Variants in RBMS3 observed in about 807,000 individuals in gnomAD.
RBMS3 encodes the protein RNA binding motif single stranded interacting protein 3, also known as RNA-binding motif, single-stranded-interacting protein 3.
Under a neutral mutation model 66.8 loss-of-function variants are expected in RBMS3, and 27 were observed. The observed-to-expected ratio is 0.40, with a 90% CI of 0.30 to 0.56. The LOEUF is 0.56. Ranked by LOEUF, RBMS3 falls within the 20% of genes least tolerant of loss-of-function variation. The pLI is 0.40. For missense variants in RBMS3, 513 were observed against 549.5 expected (o/e 0.93, Z 0.66); for synonymous variants, 188 against 183.0 (o/e 1.03, Z -0.22).
chr3:29,290,445 A>G (rs1043452431), intron 1 of RBMS3, among the ~76,000 whole-genome samples: 1 of 151,702 alleles, frequency 6.6e-6, no homozygotes, highest in Non-Finnish European at 1.5e-5. Context: ...ACAACATTTC[A>G]TTTTCTTTGA....
chr3:29,909,906 C>T (rs1368381409), intron 10 of RBMS3, among the ~76,000 whole-genome samples: 1 of 152,062 alleles, frequency 6.6e-6, no homozygotes, highest in African/African-American at 2.4e-5. Context: ...ACAGCAGGCA[C>T]AGCATTCTGG....
At chr3:29,612,513 A>G (rs2048526064) in intron 4 of RBMS3, among the ~76,000 whole-genome samples, 1 of 152,058 alleles carries the variant, frequency 6.6e-6, no homozygotes, top group Non-Finnish European at 1.5e-5. Context: ...GTGTAGGATA[A>G]ATGCATAGAG....
At chr3:29,600,048 A>C (rs2048091262) in intron 4 of RBMS3, among the ~76,000 whole-genome samples, 1 of 152,174 alleles carries the variant, frequency 6.6e-6, no homozygotes, top group Non-Finnish European at 1.5e-5. Flanking sequence ...TTACTATCAA[A>C]TGTACACTAG....
At chr3:29,309,248 G>T (rs2034222311) in intron 1 of RBMS3, among the ~76,000 whole-genome samples, 1 of 151,784 alleles carries the variant, frequency 6.6e-6, no homozygotes, top group African/African-American at 2.4e-5. Context: ...GAAAGAACAG[G>T]TTTTTGGAGA....
chr3:29,749,303 G>T (rs898996885), intron 5 of RBMS3, among the ~76,000 whole-genome samples: 5 of 152,136 alleles, frequency 3.3e-5, no homozygotes, highest in African/African-American at 1.2e-4. Context: ...TAGCAGGTGT[G>T]CTATAGTTTT....
chr3:29,314,343 T>C (rs2034551796), intron 1 of RBMS3, among the ~76,000 whole-genome samples: 1 of 151,684 alleles, frequency 6.6e-6, no homozygotes, highest in African/African-American at 2.4e-5. Context: ...ATATTTTAGA[T>C]TCCATGAACA....
intron 1 of RBMS3, among the ~76,000 whole-genome samples, chr3:29,285,253 T>C (rs9841634): frequency 1.5e-5 from 1 of 67,560 alleles, no homozygotes; most frequent in Non-Finnish European, 2.6e-5. Context: ...GTGGGGGTGG[T>C]GGTGGGGAGT....
intron 1 of RBMS3, among the ~76,000 whole-genome samples, chr3:29,396,730 C>G (rs919852061): frequency 1.3e-5 from 2 of 152,098 alleles, no homozygotes; most frequent in African/African-American, 2.4e-5. Context: ...CTTGCATTTT[C>G]TTTGTACTAT....
intron 3 of RBMS3, among the ~76,000 whole-genome samples, chr3:29,491,062 G>A (rs1019805792): frequency 5.3e-5 from 8 of 152,096 alleles, no homozygotes; most frequent in East Asian, 3.9e-4. Flanking sequence ...TGAAGACCAC[G>A]AAAATGTAAA....
intron 1 of RBMS3, among the ~76,000 whole-genome samples, chr3:29,420,565 T>TTTTTGTTTTG (rs113655823): frequency 1.3e-4 from 19 of 150,986 alleles, no homozygotes; most frequent in South Asian, 8.3e-4. Context: ...GGTTTGTTTT[T>TTTTTGTTTTG]TTTTGTTTTG....
At chr3:29,813,484 A>T (rs2057783944) in intron 6 of RBMS3, among the ~76,000 whole-genome samples, 1 of 152,212 alleles carries the variant, frequency 6.6e-6, no homozygotes, top group East Asian at 1.9e-4. Flanking sequence ...GTTCCATATG[A>T]ACTTTAAAGT....
At chr3:29,726,160 C>G (rs1365188669) in intron 4 of RBMS3, among the ~76,000 whole-genome samples, 3 of 152,220 alleles carry the variant, frequency 2.0e-5, no homozygotes, top group South Asian at 2.1e-4. Context: ...ATTCAACACC[C>G]CTTCATGCTA....
At chr3:29,903,626 T>C (rs564145338) in intron 10 of RBMS3, among the ~76,000 whole-genome samples, 147 of 152,126 alleles carry the variant, frequency 9.7e-4, no homozygotes, top group African/African-American at 3.3e-3. Flanking sequence ...GAAAAGATGA[T>C]AATTTTCAAG....
intron 12 of RBMS3, 121 bp downstream of exon 12, chr3:29,944,375 T>A (rs1349042203): frequency 2.5e-6 from 2 of 788,996 alleles, no homozygotes; most frequent in Non-Finnish European, 4.3e-6. Flanking sequence ...AAATTTGAAT[T>A]CCAGTTTGCA....
chr3:29,858,458 A>C (rs2059134600), intron 6 of RBMS3, among the ~76,000 whole-genome samples: 1 of 152,214 alleles, frequency 6.6e-6, no homozygotes. Flanking sequence ...CTAATTTCAA[A>C]GGTGCTTCAT....
chr3:29,886,373 G>A (rs1259613989), intron 8 of RBMS3, among the ~76,000 whole-genome samples: 1 of 151,892 alleles, frequency 6.6e-6, no homozygotes, highest in Non-Finnish European at 1.5e-5. Flanking sequence ...CCGAGGTAGA[G>A]CTGGGAATCG....
intron 4 of RBMS3, among the ~76,000 whole-genome samples, chr3:29,672,461 G>A (rs568990701): frequency 6.6e-5 from 10 of 152,124 alleles, no homozygotes; most frequent in South Asian, 6.2e-4. Flanking sequence ...ATAAATGGGC[G>A]AAATGCTCCA....
At chr3:29,576,807 C>T (rs1362918714) in intron 3 of RBMS3, among the ~76,000 whole-genome samples, 1 of 152,158 alleles carries the variant, frequency 6.6e-6, no homozygotes, top group Non-Finnish European at 1.5e-5. Context: ...CCCATGTTCC[C>T]TTAAAGCCCA....
intron 4 of RBMS3, among the ~76,000 whole-genome samples, chr3:29,739,330 C>T (rs537282141): frequency 6.6e-6 from 1 of 152,116 alleles, no homozygotes; most frequent in South Asian, 2.1e-4. Flanking sequence ...GTGGCGGGCG[C>T]CTGTAGTCCC....
Sources: gnomAD v4.1 joint callset for allele counts (sites outside exome capture counted in the v4.1 genomes callset) on GRCh38, gnomAD v4.1.1 for gene constraint, MANE v1.5 for transcripts, NCBI Gene and HGNC (gene_info 2026-07-23, HGNC 2026-07-21) for gene names.